The following ANKRD6 variants were observed in gnomAD, a reference collection of about 807,000 sequenced individuals.
The protein encoded by ANKRD6 is ankyrin repeat domain-containing protein 6.
In ANKRD6, 56 loss-of-function variants were observed where a neutral mutation model predicts 82.3. That is an observed-to-expected ratio of 0.68 (90% CI 0.55 to 0.85). The LOEUF (loss-of-function observed/expected upper bound fraction) is 0.85. ANKRD6 is among the 40% of genes least tolerant of loss of function. The probability of loss-of-function intolerance (pLI) is 0.00; values close to 1 mark genes in which losing one functional copy is unlikely to be tolerated. For missense variants in ANKRD6, 852 were observed against 907.6 expected, an observed-to-expected ratio of 0.94 and a Z score of 0.79; for synonymous variants, 347 against 352.1, an observed-to-expected ratio of 0.99 and a Z score of 0.16.
At chr6:89,478,810 A>G (rs936621214) in intron 1 of ANKRD6, among the ~76,000 whole-genome samples, 2 of 152,008 alleles carry the variant, frequency 1.3e-5, no homozygotes, top group Non-Finnish European at 2.9e-5. Context: ...TTTTTTTAAA[A>G]GAAATGAGAC....
chr6:89,475,031 C>T (rs1389055390), intron 1 of ANKRD6, among the ~76,000 whole-genome samples: 1 of 152,122 alleles, frequency 6.6e-6, no homozygotes, highest in South Asian at 2.1e-4. Context: ...TTCTTGTATT[C>T]CAAGTTTAAC....
intron 1 of ANKRD6, among the ~76,000 whole-genome samples, chr6:89,503,228 T>C (rs1312606003): frequency 4.6e-5 from 7 of 152,102 alleles, no homozygotes; most frequent in Admixed American, 1.3e-4. Flanking sequence ...CAAGGAAGGA[T>C]TGAAAGAGAA....
At chr6:89,624,789 G>GC in intron 13 of ANKRD6, 98 bp downstream of exon 13, 1 of 1,360,008 alleles carries the variant, frequency 7.4e-7, no homozygotes, top group Non-Finnish European at 9.8e-7. Flanking sequence ...CACCCTGGGA[G>GC]TGTCCAGTGG....
At chr6:89,622,954 T>C (rs571546757) in intron 10 of ANKRD6, among the ~76,000 whole-genome samples, 1 of 148,158 alleles carries the variant, frequency 6.7e-6, no homozygotes, top group East Asian at 2.1e-4. Flanking sequence ...AAATATGATA[T>C]TTTTTCATTT....
chr6:89,521,313 G>T (rs1781858497), intron 1 of ANKRD6, among the ~76,000 whole-genome samples: 1 of 152,128 alleles, frequency 6.6e-6, no homozygotes, highest in Non-Finnish European at 1.5e-5. Context: ...GCAGGTCAGG[G>T]AAGGCCTCTC....
intron 1 of ANKRD6, among the ~76,000 whole-genome samples, chr6:89,513,738 A>T (rs1441068285): frequency 6.6e-6 from 1 of 152,232 alleles, no homozygotes; most frequent in African/African-American, 2.4e-5. Context: ...TTGGTTAACT[A>T]CATTCTGGAA....
chr6:89,551,618 C>T (rs1035990121), intron 1 of ANKRD6, among the ~76,000 whole-genome samples: 1 of 152,194 alleles, frequency 6.6e-6, no homozygotes, highest in African/African-American at 2.4e-5. Context: ...ACAGCAAATG[C>T]AGATTTTCTC....
At chr6:89,613,281 C>T (rs1430157753) in intron 6 of ANKRD6, among the ~76,000 whole-genome samples, 3 of 152,180 alleles carry the variant, frequency 2.0e-5, no homozygotes, top group African/African-American at 7.2e-5. Flanking sequence ...TGGGGTCCAA[C>T]TGAAGTGGGA....
chr6:89,560,395 CA>C (rs1787220417), intron 1 of ANKRD6, among the ~76,000 whole-genome samples: 1 of 152,192 alleles, frequency 6.6e-6, no homozygotes, highest in Admixed American at 6.5e-5. Context: ...CTAATTCTAT[CA>C]GATCAGGGCT....
chr6:89,628,358 A>T (rs1806388702), intron 14 of ANKRD6: 1 of 157,088 alleles, frequency 6.4e-6, no homozygotes, highest in African/African-American at 2.4e-5. Context: ...GCCTCAGGAA[A>T]TTCCACTCAT....
intron 1 of ANKRD6, among the ~76,000 whole-genome samples, chr6:89,500,482 T>G (rs1779143336): frequency 6.6e-6 from 1 of 152,214 alleles, no homozygotes; most frequent in Admixed American, 6.5e-5. Flanking sequence ...CTACTATTAA[T>G]AATGTCATAT....
chr6:89,445,665 C>T (rs1285492979), intron 1 of ANKRD6, among the ~76,000 whole-genome samples: 5 of 152,122 alleles, frequency 3.3e-5, no homozygotes, highest in Non-Finnish European at 7.3e-5. Flanking sequence ...AGGATGGTCT[C>T]GATCTCCTGA....
intron 2 of ANKRD6, among the ~76,000 whole-genome samples, chr6:89,584,582 A>T (rs942913754): frequency 6.6e-6 from 1 of 152,210 alleles, no homozygotes; most frequent in Non-Finnish European, 1.5e-5. Flanking sequence ...TATGTGGGTG[A>T]ATAGGTAGCA....
chr6:89,456,575 T>C (rs976631635), intron 1 of ANKRD6, among the ~76,000 whole-genome samples: 2 of 152,202 alleles, frequency 1.3e-5, no homozygotes, highest in Non-Finnish European at 2.9e-5. Context: ...CTTAATTACC[T>C]CTTTCAGGGC....
intron 1 of ANKRD6, among the ~76,000 whole-genome samples, chr6:89,487,308 A>G (rs1179781696): frequency 6.6e-6 from 1 of 152,228 alleles, no homozygotes; most frequent in Non-Finnish European, 1.5e-5. Flanking sequence ...TTATATGACC[A>G]TACATCCCAC....
chr6:89,532,550 T>C (rs749099356), intron 1 of ANKRD6, among the ~76,000 whole-genome samples: 2 of 152,208 alleles, frequency 1.3e-5, no homozygotes, highest in Non-Finnish European at 2.9e-5. Flanking sequence ...GAGTTCCTTG[T>C]TCATTGTCTG....
Position 89,557,909 on chromosome 6 carries a change from A to G in ANKRD6, c.-143-8925A>G, listed in dbSNP as rs114574501. 5.7e-3 allele frequency among the ~76,000 whole-genome samples: 872 copies of G among 152,042 alleles called. 10 individuals carry two copies. Among genetic ancestry groups the G allele is most frequent in the African/African-American group, 0.019 (792 of 41,428 alleles). The stretch of plus-strand genomic sequence containing the variant: ...TCTGTCACTGTCTCCTGTCACCCCC[A>G]TATGGAACTATCTAGTTGCAGGAAA... On this transcript the variant is annotated intron_variant, in intron 1 of 15. Transcript: ENST00000339746.
chr6:89,517,369 G>T (rs528247533), intron 1 of ANKRD6, among the ~76,000 whole-genome samples: 1 of 152,276 alleles, frequency 6.6e-6, no homozygotes, highest in East Asian at 1.9e-4. Flanking sequence ...TTTATAGAGG[G>T]ATAGTGTGTA....
chr6:89,577,814 C>T (rs929798388), intron 2 of ANKRD6, among the ~76,000 whole-genome samples: 7 of 152,084 alleles, frequency 4.6e-5, no homozygotes, highest in African/African-American at 1.7e-4. Flanking sequence ...GAGATCCTGT[C>T]TCAAAAAACA....
Sources: gnomAD v4.1 joint callset for allele counts (sites outside exome capture counted in the v4.1 genomes callset) on GRCh38, gnomAD v4.1.1 for gene constraint, MANE v1.5 for transcripts, NCBI Gene and HGNC (gene_info 2026-07-23, HGNC 2026-07-21) for gene names.